AFF1: variants seen among roughly 807,000 people sequenced by gnomAD.
AFF1 encodes the protein AF4/FMR2 family member 1.
In AFF1, 48 loss-of-function variants were observed where a neutral mutation model predicts 121.7. The ratio of observed to expected loss-of-function variants is 0.39; its 90% CI spans 0.31 to 0.50. The LOEUF is 0.50. Among genes scored for constraint, AFF1 ranks in the 20% least tolerant of loss-of-function variants. AFF1 has a pLI of 0.76. For missense variants in AFF1, 1,523 were observed against 1,511.7 expected (o/e 1.01, Z -0.12); for synonymous variants, 613 against 563.0 (o/e 1.09, Z -1.26).
intron 2 of AFF1, among the ~76,000 whole-genome samples, chr4:87,038,965 G>C (rs896243905): frequency 3.9e-5 from 6 of 152,136 alleles, no homozygotes; most frequent in African/African-American, 1.4e-4. Context: ...GTAGTCAGCT[G>C]TGCACAGCCA....
intron 15 of AFF1, 126 bp downstream of exon 15, chr4:87,127,243 C>T (rs1728368126): frequency 1.3e-6 from 1 of 788,332 alleles, no homozygotes; most frequent in African/African-American, 1.7e-5. Context: ...TCACTGCAAC[C>T]TCCACCTCCC....
Position 87,064,821 on chromosome 4 carries a change from CGA to C in AFF1, c.1059+17230_1059+17231del, listed in dbSNP as rs1475478073. Among the ~76,000 whole-genome samples, 5 of 149,146 alleles carry C rather than the reference CGA, an allele frequency of 3.4e-5. No individual in the cohort carries two copies. The Admixed American group carries it at 3.4e-4, about 10-fold the overall frequency. On this transcript the variant is annotated intron_variant, in intron 4 of 20. Transcript: ENST00000395146. ...CAGGAAGCGGAGGTTGCAGTAAAGT[CGA>C]GATCGCGTCATTGCACTCCAGCCTG...
chr4:87,049,687 T>C (rs1731083196), intron 4 of AFF1: 1 of 456,196 alleles, frequency 2.2e-6, no homozygotes, highest in African/African-American at 2.0e-5. Flanking sequence ...TGGTTCCCTC[T>C]GGTCTCGGCC....
chr4:87,104,633 CCATGCCTGCTTTCTT>C (rs1447892891), intron 8 of AFF1, among the ~76,000 whole-genome samples: 1 of 152,136 alleles, frequency 6.6e-6, no homozygotes, highest in Non-Finnish European at 1.5e-5. Flanking sequence ...TCCAAAGACA[CCATGCCTGCTTTCTT>C]CAGTGGTAGA....
intron 2 of AFF1, among the ~76,000 whole-genome samples, chr4:87,002,227 G>C (rs991049039): frequency 9.3e-5 from 14 of 151,200 alleles, no homozygotes; most frequent in African/African-American, 3.4e-4. Context: ...TGAGTAGCTG[G>C]GACTACAAGT....
At chr4:87,044,796 T>C (rs1170293205) in intron 2 of AFF1, among the ~76,000 whole-genome samples, 1 of 152,136 alleles carries the variant, frequency 6.6e-6, no homozygotes, top group Non-Finnish European at 1.5e-5. Flanking sequence ...CAGGGTATGC[T>C]CAGGGGATGG....
At chr4:87,007,387 C>G in intron 2 of AFF1, 2 of 1,613,990 alleles carry the variant, frequency 1.2e-6, no homozygotes, top group Non-Finnish European at 1.7e-6. Flanking sequence ...ACGGAAGACC[C>G]CTGGCTCTAT....
rs771098501 is a variant in AFF1 at position 87,108,171 on chromosome 4, C to T, written c.1389C>T (p.Ser463=). Reference sequence around the variant, plus strand: ...GGTTGCTTTGCAGTGCTCCACAGTCCCTTCCAGAACCAGTGGCATCAGCAC... The same window carrying T: ...GGTTGCTTTGCAGTGCTCCACAGTCTCTTCCAGAACCAGTGGCATCAGCAC... The part of the protein sequence containing the change: ...SSSAPPSAPQ[S]LPEPVASAHS... Residue 463 remains serine (S), a synonymous_variant, in exon 11 of 21, where the codon TCC becomes TCT. Transcript: ENST00000395146. The T allele has an allele frequency of 1.2e-6, 2 of 1,613,778 alleles. No individual in the cohort carries two copies. Among genetic ancestry groups the T allele is most frequent in the African/African-American group, 2.7e-5 (2 of 74,898 alleles).
At chr4:87,025,641 G>C (rs1728453583) in intron 2 of AFF1, among the ~76,000 whole-genome samples, 1 of 152,182 alleles carries the variant, frequency 6.6e-6, no homozygotes, top group African/African-American at 2.4e-5. Flanking sequence ...AGATATGGCT[G>C]TCACGCCTGG....
chr4:87,106,615 G>A (rs13126827), intron 10 of AFF1, among the ~76,000 whole-genome samples: 1 of 152,170 alleles, frequency 6.6e-6, no homozygotes, highest in Non-Finnish European at 1.5e-5. Context: ...GTACATTTTA[G>A]TGTGATGGGA....
chr4:87,108,664 A>G (rs1438746259), intron 11 of AFF1, among the ~76,000 whole-genome samples: 1 of 152,160 alleles, frequency 6.6e-6, no homozygotes, highest in African/African-American at 2.4e-5. Context: ...GTAGGCTGCT[A>G]TTTTAATATT....
At chr4:87,018,561 G>A (rs1048845107) in intron 2 of AFF1, among the ~76,000 whole-genome samples, 1 of 152,220 alleles carries the variant, frequency 6.6e-6, no homozygotes, top group African/African-American at 2.4e-5. Context: ...TGTTGGCCAC[G>A]CTGGAGTGCA....
At chr4:87,044,814 T>C (rs1042277308) in intron 2 of AFF1, among the ~76,000 whole-genome samples, 2 of 152,194 alleles carry the variant, frequency 1.3e-5, no homozygotes, top group African/African-American at 2.4e-5. Flanking sequence ...TGGACGTGAC[T>C]GACTGACTGT....
intron 7 of AFF1, among the ~76,000 whole-genome samples, chr4:87,093,961 A>G (rs755286085): frequency 2.0e-5 from 3 of 152,176 alleles, no homozygotes; most frequent in Admixed American, 2.0e-4. Flanking sequence ...CTTCTGAGGA[A>G]TCACTGTGTC....
chr4:87,075,139 A>G (rs1347034955), intron 4 of AFF1, among the ~76,000 whole-genome samples: 1 of 152,206 alleles, frequency 6.6e-6, no homozygotes, highest in Admixed American at 6.5e-5. Context: ...AAGTTTTCTA[A>G]TTATTCATAT....
At chr4:87,015,288 A>G (rs1467808328) in intron 2 of AFF1, among the ~76,000 whole-genome samples, 1 of 152,192 alleles carries the variant, frequency 6.6e-6, no homozygotes, top group Non-Finnish European at 1.5e-5. Context: ...CTAACTCTCC[A>G]TTTAAAAAAG....
At chr4:86,950,020 A>T in intron 2 of AFF1, 1 of 1,614,034 alleles carries the variant, frequency 6.2e-7, no homozygotes, top group East Asian at 2.2e-5. Context: ...TCACCTGCTG[A>T]GCTCCGTAGG....
At chr4:87,015,022 A>G (rs1380664937) in intron 2 of AFF1, among the ~76,000 whole-genome samples, 1 of 152,214 alleles carries the variant, frequency 6.6e-6, no homozygotes, top group Non-Finnish European at 1.5e-5. Flanking sequence ...GTTTGAGTCC[A>G]TGATATTATG....
rs780439061 is a variant in AFF1, at chr4:86,947,826, T to TTG, written c.-36-671_-36-670insGT. On this transcript the variant is annotated intron_variant, in intron 1 of 20. Coordinates refer to ENST00000395146, the MANE Select transcript of AFF1 (RefSeq NM_001166693.3). ...TTATTTCGGTTTTTGTTTGTTTTTT[T>TTG]TTTGTTTTGATTAAGTACCTTTAAT... 2.0e-4 allele frequency among the ~76,000 whole-genome samples: 31 copies of TTG among 151,736 alleles called. 1 individual carries two copies. The highest frequency in any genetic ancestry group is 6.3e-4 in the South Asian group (3 of 4,800).
Sources: allele counts gnomAD v4.1 joint callset (sites outside exome capture counted in the v4.1 genomes callset), GRCh38; gene constraint gnomAD v4.1.1; transcripts MANE v1.5; gene names NCBI Gene and HGNC (gene_info 2026-07-23, HGNC 2026-07-21).